SLCO1B3: variants seen among roughly 807,000 people sequenced by gnomAD.
SLCO1B3 encodes the protein liver-specific organic anion transporter 2.
A neutral mutation model predicts 71.8 loss-of-function variants in SLCO1B3; 72 were observed. The ratio of observed to expected loss-of-function variants is 1.00; its 90% CI spans 0.83 to 1.22. The LOEUF (loss-of-function observed/expected upper bound fraction) is 1.22, where lower values mean the gene tolerates loss of function less well. Among genes scored for constraint, SLCO1B3 ranks in the 50% most tolerant of loss-of-function variants. SLCO1B3 has a pLI of 0.00. For synonymous variants in SLCO1B3, 298 were observed against 278.4 expected, an observed-to-expected ratio of 1.07 and a Z score of -0.70; for missense variants, 911 against 819.7, an observed-to-expected ratio of 1.11 and a Z score of -1.36.
intron 8 of SLCO1B3, among the ~76,000 whole-genome samples, chr12:20,873,116 C>T (rs1865507668): frequency 6.6e-6 from 1 of 152,156 alleles, no homozygotes; most frequent in South Asian, 2.1e-4. Context: ...GATTTCTTAC[C>T]TCATCACTCT....
rs144377161 is a variant in SLCO1B3 at position 20,854,412 on chromosome 12, C to G, written c.85-616C>G. Among the ~76,000 whole-genome samples the G allele has an allele frequency of 1.2e-3, 179 of 152,160 alleles. 2 individuals are homozygous for G. The highest frequency in any genetic ancestry group is 4.0e-3 in the African/African-American group (166 of 41,520). ...GTGCAGATCTATTTATAATTGTTGG[C>G]TCTTCCTGGTGAATTGATAATTTTA... On this transcript the variant is annotated intron_variant, in intron 3 of 15. Transcript: ENST00000381545.
At chr12:20,835,315 A>G (rs1198931946) in intron 3 of SLCO1B3, among the ~76,000 whole-genome samples, 5 of 152,142 alleles carry the variant, frequency 3.3e-5, no homozygotes, top group Admixed American at 1.3e-4. Context: ...TGTCTTGGCA[A>G]TTAACATTTG....
At chr12:20,856,906 G>C (rs886272108) in intron 4 of SLCO1B3, among the ~76,000 whole-genome samples, 1 of 151,970 alleles carries the variant, frequency 6.6e-6, no homozygotes, top group African/African-American at 2.4e-5. Context: ...CACAAATCTT[G>C]GTGTCTACAG....
At chr12:20,830,484 A>G (rs1864517533) in intron 3 of SLCO1B3, among the ~76,000 whole-genome samples, 1 of 152,176 alleles carries the variant, frequency 6.6e-6, no homozygotes. Context: ...TCAAGTATGT[A>G]TGCATCTTGC....
intron 3 of SLCO1B3, among the ~76,000 whole-genome samples, chr12:20,821,997 A>G (rs764862030): frequency 2.6e-4 from 39 of 152,214 alleles, no homozygotes; most frequent in Non-Finnish European, 5.4e-4. Context: ...GTTGAGGGAT[A>G]GTGAAGGAAG....
chr12:20,816,775 C>T (rs1460414412), intron 3 of SLCO1B3, among the ~76,000 whole-genome samples: 1 of 152,180 alleles, frequency 6.6e-6, no homozygotes, highest in East Asian at 1.9e-4. Context: ...AACCTCCAGA[C>T]TGTTCTTCAT....
At chr12:20,830,706 C>A (rs1311660301) in intron 3 of SLCO1B3, among the ~76,000 whole-genome samples, 1 of 152,132 alleles carries the variant, frequency 6.6e-6, no homozygotes, top group Non-Finnish European at 1.5e-5. Flanking sequence ...TAATGTTAAA[C>A]AAGGTTCCTT....
chr12:20,846,761 G>A (rs1864928546), intron 3 of SLCO1B3, among the ~76,000 whole-genome samples: 1 of 152,064 alleles, frequency 6.6e-6, no homozygotes, highest in African/African-American at 2.4e-5. Flanking sequence ...GGTTCAGTGG[G>A]GCAGGGGAGT....
At chr12:20,862,386 A>G (rs1865283642) in intron 6 of SLCO1B3, 26 bp from the exon 7 acceptor site, 1 of 1,575,492 alleles carries the variant, frequency 6.3e-7, no homozygotes, top group Non-Finnish European at 8.6e-7. Context: ...TAATGTTTAA[A>G]GTAAAACACT....
At chr12:20,913,483 G>A (rs960864173) in intron 15 of SLCO1B3, among the ~76,000 whole-genome samples, 1 of 152,018 alleles carries the variant, frequency 6.6e-6, no homozygotes, top group Non-Finnish European at 1.5e-5. Flanking sequence ...TACATGTTAA[G>A]TATTGTTCTG....
At chr12:20,832,205 G>A (rs1864555937) in intron 3 of SLCO1B3, among the ~76,000 whole-genome samples, 1 of 152,078 alleles carries the variant, frequency 6.6e-6, no homozygotes. Context: ...CTTGGTTTAC[G>A]TGCATGTGCG....
At chr12:20,879,408 T>C (rs1334137848) in intron 10 of SLCO1B3, 28 bp from the exon 11 acceptor site, 2 of 1,469,874 alleles carry the variant, frequency 1.4e-6, no homozygotes, top group African/African-American at 1.4e-5. Context: ...TGTATAATTA[T>C]AGCTTTTTTC....
intron 8 of SLCO1B3, among the ~76,000 whole-genome samples, chr12:20,864,128 C>A (rs1429033679): frequency 6.6e-6 from 1 of 152,162 alleles, no homozygotes; most frequent in Admixed American, 6.5e-5. Flanking sequence ...ATTGGAAAAA[C>A]TTTTCTCTCT....
intron 13 of SLCO1B3, among the ~76,000 whole-genome samples, chr12:20,893,774 A>C (rs913099122): frequency 1.3e-5 from 2 of 152,182 alleles, no homozygotes; most frequent in Non-Finnish European, 2.9e-5. Flanking sequence ...GTAGTAAACC[A>C]TGTGGAATGA....
intron 3 of SLCO1B3, among the ~76,000 whole-genome samples, chr12:20,827,302 A>G (rs1864442730): frequency 6.6e-6 from 1 of 152,226 alleles, no homozygotes; most frequent in South Asian, 2.1e-4. Flanking sequence ...ACCAGCAATT[A>G]AAACACACTT....
At chr12:20,900,191 T>A (rs1866099089) in intron 14 of SLCO1B3, among the ~76,000 whole-genome samples, 1 of 152,180 alleles carries the variant, frequency 6.6e-6, no homozygotes, top group Non-Finnish European at 1.5e-5. Flanking sequence ...ATTATCTCAG[T>A]ACCAGTTTGC....
intron 15 of SLCO1B3, among the ~76,000 whole-genome samples, chr12:20,914,530 T>C (rs1251493352): frequency 6.6e-6 from 1 of 152,110 alleles, no homozygotes; most frequent in East Asian, 1.9e-4. Flanking sequence ...TTTCTATTAT[T>C]ATTTTAAAGA....
intron 13 of SLCO1B3, among the ~76,000 whole-genome samples, chr12:20,891,520 G>A (rs1191450349): frequency 6.6e-6 from 1 of 152,052 alleles, no homozygotes; most frequent in Admixed American, 6.6e-5. Flanking sequence ...TTCTTGCAAT[G>A]CATCTCACAG....
chr12:20,843,822 C>T (rs1364116693), intron 3 of SLCO1B3, among the ~76,000 whole-genome samples: 2 of 151,672 alleles, frequency 1.3e-5, no homozygotes, highest in Non-Finnish European at 2.9e-5. Context: ...TACATCCACA[C>T]TTACTGTTTA....
Sources: allele counts gnomAD v4.1 joint callset (sites outside exome capture counted in the v4.1 genomes callset), GRCh38; gene constraint gnomAD v4.1.1; transcripts MANE v1.5; gene names NCBI Gene and HGNC (gene_info 2026-07-23, HGNC 2026-07-21).